Variants in PIF1 observed in about 807,000 individuals in gnomAD.
PIF1 encodes PIF1 5'-to-3' DNA helicase.
In PIF1, 67 loss-of-function variants were observed where a neutral mutation model predicts 62.3. The observed-to-expected ratio is 1.08, with a 90% CI of 0.88 to 1.32. The LOEUF (loss-of-function observed/expected upper bound fraction) is 1.32. PIF1 is among the 40% of genes most tolerant of loss of function. The probability of loss-of-function intolerance (pLI) is 0.00; values close to 1 mark genes in which losing one functional copy is unlikely to be tolerated. For missense variants in PIF1, 886 were observed against 866.1 expected, an observed-to-expected ratio of 1.02 and a Z score of -0.29; for synonymous variants, 364 against 379.5, an observed-to-expected ratio of 0.96 and a Z score of 0.47.
chr15:64,822,247 C>A lies in PIF1; in HGVS notation c.817+19G>T. On this transcript the variant is annotated intron_variant, in intron 4 of 12. Coordinates refer to ENST00000559239, the MANE Select transcript of PIF1 (RefSeq NM_001286496.2). ...AGCTGGGCTTGCTCTTAGCTCAAGC[C>A]CTAGGGGTTCCTACTTACCTGCAAA... 6.2e-7 allele frequency: 1 copy of A among 1,608,772 alleles called. No homozygotes were observed.
At chr15:64,818,200 C>T in intron 10 of PIF1, 57 bp downstream of exon 10, 2 of 1,610,218 alleles carry the variant, frequency 1.2e-6, no homozygotes, top group South Asian at 2.2e-5. Flanking sequence ...CCCCACCATT[C>T]CCGGGGCCAT....
chr15:64,822,273 G>T lies in PIF1; in HGVS notation c.810C>A (p.Ala270=). The T allele has an allele frequency of 6.2e-7, 1 of 1,613,498 alleles. No homozygotes were observed. The highest frequency in any genetic ancestry group is 8.5e-7 in the Non-Finnish European group (1 of 1,179,810). Residue 270 remains alanine (A), a synonymous_variant, in exon 4 of 13, where the codon GCC becomes GCA. Transcript: ENST00000559239. ...ACHIGGTTLH[A]FAGIGSGQAP... is the part of the protein sequence containing the mutation. Reference sequence around the variant, plus strand: ...CTAGGGGTTCCTACTTACCTGCAAAGGCATGGAGGGTGGTGCCCCCGATGT... The same window carrying T: ...CTAGGGGTTCCTACTTACCTGCAAATGCATGGAGGGTGGTGCCCCCGATGT...
Position 64,816,182 on chromosome 15 carries a change from T to C in PIF1, c.*116A>G. 1 of 1,544,852 alleles carries C rather than the reference T, an allele frequency of 6.5e-7. No individual in the cohort carries two copies. Among genetic ancestry groups the C allele is most frequent in the Non-Finnish European group, 8.7e-7 (1 of 1,147,498 alleles). On this transcript the variant is annotated 3_prime_UTR_variant, in exon 13 of 13. Transcript: ENST00000559239. ...CAGGAGGCTGAGAGTCCCTAAAAAA[T>C]ACAGAAGGGGACACTGCCTGCCTAC...
chr15:64,822,232 G>A (rs933224895), intron 4 of PIF1, 34 bp downstream of exon 4: 2 of 1,591,306 alleles, frequency 1.3e-6, no homozygotes. Flanking sequence ...AGCTGGGCTT[G>A]CTCTTAGCTC....
chr15:64,819,604 C>G (rs566865292), intron 8 of PIF1, among the ~76,000 whole-genome samples: 1 of 152,258 alleles, frequency 6.6e-6, no homozygotes, highest in Non-Finnish European at 1.5e-5. Flanking sequence ...CCACCGCTCC[C>G]AGCCTCCAAA....
Position 64,824,129 on chromosome 15 carries a change from A to G in PIF1, c.207T>C (p.Phe69=), listed in dbSNP as rs12899195. ...APGPAGRPRC[F]PLRAARLFTR... is the part of the protein sequence containing the mutation. ...TGAAGAGGCGCGCGGCGCGCAGAGG[A>G]AAGCAGCGCGGCCGCCCCGCGGGCC... Residue 69 remains phenylalanine (F), a synonymous_variant, in exon 2 of 13, where the codon TTT becomes TTC. Transcript: ENST00000559239. 1,282,036 of 1,284,534 alleles carry G rather than the reference A, an allele frequency of 1. 639,807 individuals are homozygous for G. The highest frequency in any genetic ancestry group is 1 in the East Asian group (31,662 of 31,662). The allele number at this position is 1,284,534 out of a possible 1,614,324, so 79.6% of individuals were successfully genotyped here. A position where few individuals can be genotyped will look rare whatever the true frequency, so the allele number is the denominator to read the frequency against.
chr15:64,819,675 G>A (rs556546746), intron 8 of PIF1, among the ~76,000 whole-genome samples, 172 bp downstream of exon 8: 153 of 152,314 alleles, frequency 1.0e-3, no homozygotes, highest in African/African-American at 3.1e-3. Context: ...CTGGGGGGCT[G>A]TGGAATTTAG....
upstream of PIF1, among the ~76,000 whole-genome samples, chr15:64,826,739 T>TAC (rs200930759): frequency 0.013 from 1,760 of 137,610 alleles, 56 homozygotes; most frequent in African/African-American, 0.044. Context: ...TATATATATA[T>TAC]ACACACACAT....
At chr15:64,824,885 ATATATATG>A (rs2141118766) in intron 1 of PIF1, among the ~76,000 whole-genome samples, 1 of 149,974 alleles carries the variant, frequency 6.7e-6, no homozygotes, top group African/African-American at 2.5e-5. Context: ...GTGTGTGTGT[ATATATATG>A]TATATATATA....
chr15:64,819,550 C>T (rs1595814011), intron 8 of PIF1, among the ~76,000 whole-genome samples: 2 of 152,252 alleles, frequency 1.3e-5, no homozygotes, highest in South Asian at 2.1e-4. Context: ...TTCAGGTGAT[C>T]TGCCTGTCTC....
In PIF1 at chr15:64,818,323, A is replaced by G. The variant is rs751872248; in HGVS notation, c.1462T>C (p.Ser488Pro). 1.5e-5 allele frequency: 24 copies of G among 1,613,954 alleles called. No individual in the cohort carries two copies. The East Asian group carries it at 2.5e-4, about 16-fold the overall frequency. Residue 488 changes from serine to proline, a missense_variant, in exon 10 of 13, where the codon TCG becomes CCG. Coordinates refer to ENST00000559239, the MANE Select transcript of PIF1 (RefSeq NM_001286496.2). ...GAQVMLVKNL[S>P]VSRGLVNGAR... ...CCATTCACCAGGCCCCGAGACACCG[A>G]TAAGTTTTTCACCAGCATCACCTGC...
chr15:64,817,566 TAA>T (rs983394238), intron 11 of PIF1, among the ~76,000 whole-genome samples: 3 of 146,190 alleles, frequency 2.1e-5, no homozygotes, highest in African/African-American at 7.7e-5. Context: ...TAAAATAAAA[TAA>T]AAAAAGACAC....
rs1242928963 is a variant in PIF1 at position 64,824,170 on chromosome 15, G to C, written c.166C>G (p.Arg56Gly). Residue 56 changes from arginine (R) to glycine (G), a missense_variant, in exon 2 of 13, where the codon CGG (arginine) becomes GGG (glycine). Coordinates refer to ENST00000559239, the MANE Select transcript of PIF1 (RefSeq NM_001286496.2). Reference protein sequence around the residue: ...GRNERRELMLRLQAPGPAGRP... With the variant: ...GRNERRELMLGLQAPGPAGRP... ...CCCGCGGGCCCTGGCGCTTGCAGCC[G>C]CAGCATCAACTCGCGGCGCTCGTTG... 7.5e-7 allele frequency: 1 copy of C among 1,325,476 alleles called. No homozygotes were observed. The highest frequency in any genetic ancestry group is 9.7e-7 in the Non-Finnish European group (1 of 1,035,642). 82.1% of individuals were successfully genotyped at this position (1,325,476 alleles called of 1,614,324 possible).
In PIF1 at chr15:64,816,690, G is replaced by C. The variant is rs759626116; in HGVS notation, c.1750C>G (p.Arg584Gly). 1.9e-6 allele frequency: 3 copies of C among 1,613,560 alleles called. No individual in the cohort carries two copies. The highest frequency in any genetic ancestry group is 1.7e-5 in the Admixed American group (1 of 59,856). Residue 584 changes from arginine to glycine, a missense_variant, in exon 12 of 13, where the codon CGG becomes GGG. Arg to Gly is a moderately radical substitution (Grantham distance 125). Transcript: ENST00000559239. ...ASGQAYVALS[R>G]ARSLQGLRVL... Reference sequence around the variant, plus strand: ...CGTAGGCCCTGCAGGCTGCGGGCCCGAGAAAGGGCCACATAGGCCTGGCCA... The same window carrying C: ...CGTAGGCCCTGCAGGCTGCGGGCCCCAGAAAGGGCCACATAGGCCTGGCCA...
Position 64,820,248 on chromosome 15 carries a change from G to A in PIF1, c.1194-262C>T, listed in dbSNP as rs2084266970. ...CCTGTGCTGCCCCAGGTCAGAGCTGGCCACCCTCGCACTCCATAATACTCC... is the reference window on the plus strand; with the variant it reads ...CCTGTGCTGCCCCAGGTCAGAGCTGACCACCCTCGCACTCCATAATACTCC... On this transcript the variant is annotated intron_variant, in intron 7 of 12. Coordinates refer to ENST00000559239, the MANE Select transcript of PIF1 (RefSeq NM_001286496.2). 2.6e-5 allele frequency among the ~76,000 whole-genome samples: 4 copies of A among 152,330 alleles called. 1 individual carries two copies. The South Asian group carries it at 8.3e-4, about 32-fold the overall frequency.
At chr15:64,825,002 CACACACACACACACACATAT>C (rs1463774970) in intron 1 of PIF1, among the ~76,000 whole-genome samples, 14 of 151,244 alleles carry the variant, frequency 9.3e-5, no homozygotes, top group Non-Finnish European at 1.6e-4. Context: ...TATATATACA[CACACACACACACACACATAT>C]ACACACACAC....
At position 64,823,983 on chromosome 15, in the gene PIF1, C is replaced by T. The variant is rs534178442; in HGVS notation, c.353G>A (p.Arg118His). ...CPPDRLRRFL[R>H]TLRLKLAAAP... Reference sequence around the variant, plus strand: ...CGCAGCCAGCTTGAGGCGCAATGTGCGCAGGAAGCGGCGCAGGCGGTCTGG... The same window carrying T: ...CGCAGCCAGCTTGAGGCGCAATGTGTGCAGGAAGCGGCGCAGGCGGTCTGG... Residue 118 changes from arginine (R) to histidine (H), a missense_variant, in exon 2 of 13, where the codon CGC becomes CAC. Physicochemically the swap from Arg to His is conservative, Grantham distance 29 (BLOSUM62 0). Coordinates refer to ENST00000559239, the MANE Select transcript of PIF1 (RefSeq NM_001286496.2). 4 of 1,299,662 alleles carry T rather than the reference C, an allele frequency of 3.1e-6. No individual in the cohort carries two copies. The highest frequency in any genetic ancestry group is 3.1e-5 in the East Asian group (1 of 32,024). 80.5% of individuals were successfully genotyped at this position (1,299,662 alleles called of 1,614,324 possible). A position where few individuals can be genotyped will look rare whatever the true frequency, so the allele number is the denominator to read the frequency against.
intron 4 of PIF1, 45 bp from the exon 5 acceptor site, chr15:64,821,565 C>CTTTTTTTTTTTTTTTTTTTTTTTTTT (rs56305637): frequency 1.0e-6 from 1 of 985,960 alleles, no homozygotes. Flanking sequence ...CAAAGCCTCT[C>CTTTTTTTTTTTTTTTTTTTTTTTTTT]TTTTTTTTTT....
Position 64,822,603 on chromosome 15 carries a change from G to T in PIF1, c.566C>A (p.Pro189Gln). ...QAGAEPSTEA[P>Q]RWPLPVKRLS... ...CCTCTTCACAGGCAGGGGCCACCTT[G>T]GGGCTTCCTGGGGGGAACAGAGCTA... The change falls in exon 3 of 13, where the codon CCA becomes CAA. Residue 189 changes from proline (P) to glutamine (Q), a missense_variant. Pro to Gln is a moderately conservative substitution (Grantham distance 76, BLOSUM62 -1). Coordinates refer to ENST00000559239, the MANE Select transcript of PIF1 (RefSeq NM_001286496.2). The T allele has an allele frequency of 1.9e-6, 3 of 1,613,768 alleles. No individual in the cohort carries two copies. The highest frequency in any genetic ancestry group is 2.5e-6 in the Non-Finnish European group (3 of 1,179,992).
Sources: gnomAD v4.1 joint callset for allele counts (sites outside exome capture counted in the v4.1 genomes callset) on GRCh38, gnomAD v4.1.1 for gene constraint, MANE v1.5 for transcripts, NCBI Gene and HGNC (gene_info 2026-07-23, HGNC 2026-07-21) for gene names.